The following PMP22 variants were observed in gnomAD, a reference collection of about 807,000 sequenced individuals.
PMP22 encodes the protein peripheral myelin protein 22, also known as Charcot-Marie-Tooth neuropathy 1A (greatly reduced nerve conduction velocity, hereditary motor sensory neuropathy Ia).
Under a neutral mutation model 18.9 loss-of-function variants are expected in PMP22, and 2 were observed. The observed-to-expected ratio is 0.11, with a 90% CI of 0.04 to 0.33. The LOEUF (loss-of-function observed/expected upper bound fraction) is 0.33. Ranked by LOEUF, PMP22 falls within the 10% of genes least tolerant of loss-of-function variation. The pLI, the probability that PMP22 is intolerant of heterozygous loss-of-function variation, is 1.00. For synonymous variants in PMP22, 95 were observed against 89.2 expected (o/e 1.07, Z -0.37); for missense variants, 169 against 202.2 (o/e 0.84, Z 1.00).
At chr17:15,234,311 G>A (rs1285358682) in intron 4 of PMP22, among the ~76,000 whole-genome samples, 1 of 152,188 alleles carries the variant, frequency 6.6e-6, no homozygotes, top group Non-Finnish European at 1.5e-5. Context: ...GTATTGAAAG[G>A]AGCAGAGTGA....
intron 2 of PMP22, 127 bp downstream of exon 2, chr17:15,260,523 T>C (rs1483350329): frequency 1.2e-6 from 1 of 830,648 alleles, no homozygotes; most frequent in East Asian, 2.7e-5. Flanking sequence ...TGCCAGAAAC[T>C]TCCCTGGGAC....
At position 15,239,418 on chromosome 17, in the gene PMP22, C is replaced by T. The variant is rs577609361; in HGVS notation, c.319+53G>A. ...CATCCTTCTACTAAACTAATCATTC[C>T]GCAGACTTGGATGCACCCCGCTTCC... On this transcript the variant is annotated intron_variant, in intron 4 of 4. Coordinates refer to ENST00000312280, the MANE Select transcript of PMP22 (RefSeq NM_000304.4). 3.8e-5 allele frequency: 61 copies of T among 1,598,266 alleles called. 2 individuals are homozygous for T. The highest frequency in any genetic ancestry group is 3.3e-4 in the Middle Eastern group (2 of 6,040).
intron 4 of PMP22, among the ~76,000 whole-genome samples, chr17:15,232,126 G>A (rs1358344660): frequency 6.6e-6 from 1 of 151,934 alleles, no homozygotes. Flanking sequence ...CAATGCACCC[G>A]CGCCCCCCCA....
intron 3 of PMP22, among the ~76,000 whole-genome samples, chr17:15,246,889 G>A (rs1907863627): frequency 6.6e-6 from 1 of 151,774 alleles, no homozygotes; most frequent in African/African-American, 2.4e-5. Context: ...GGCCAACATG[G>A]TGAAACCCCG....
chr17:15,264,267 GATAA>G (rs1909568323), intron 1 of PMP22, among the ~76,000 whole-genome samples: 1 of 152,076 alleles, frequency 6.6e-6, no homozygotes, highest in Non-Finnish European at 1.5e-5. Context: ...TAGATAGATA[GATAA>G]AGATTTATAA....
intron 1 of PMP22, among the ~76,000 whole-genome samples, chr17:15,264,242 A>G (rs561826966): frequency 3.2e-5 from 3 of 94,878 alleles, no homozygotes; most frequent in East Asian, 4.0e-4. Flanking sequence ...AGATAGATAG[A>G]TAGATAGATA....
intron 1 of PMP22, among the ~76,000 whole-genome samples, chr17:15,264,189 C>G (rs1909552400): frequency 6.6e-6 from 1 of 151,716 alleles, no homozygotes; most frequent in Admixed American, 6.6e-5. Flanking sequence ...CACCTCTGCA[C>G]TAAAGTAGCT....
chr17:15,257,198 C>A (rs1908910702), intron 3 of PMP22, among the ~76,000 whole-genome samples: 1 of 152,216 alleles, frequency 6.6e-6, no homozygotes, highest in South Asian at 2.1e-4. Flanking sequence ...ATTAAAATAA[C>A]CCTAGTGCCT....
intron 3 of PMP22, among the ~76,000 whole-genome samples, chr17:15,256,887 C>T (rs1266154427): frequency 2.0e-5 from 3 of 152,116 alleles, no homozygotes; most frequent in Non-Finnish European, 4.4e-5. Flanking sequence ...AGTGCTGCCA[C>T]GTTGGGGAAG....
intron 1 of PMP22, among the ~76,000 whole-genome samples, chr17:15,264,914 GGATGCATTAGGGTTTCTA>G (rs1909609468): frequency 6.6e-6 from 1 of 152,080 alleles, no homozygotes. Context: ...CTTTCAATCT[GGATGCATTAGGGTTTCTA>G]GATGCTCTCA....
At chr17:15,263,648 C>T (rs1909520246) in intron 1 of PMP22, among the ~76,000 whole-genome samples, 1 of 152,076 alleles carries the variant, frequency 6.6e-6, no homozygotes. Flanking sequence ...TCATCACTCT[C>T]AATGATTCAA....
At chr17:15,231,898 T>G (rs1338681325) in intron 4 of PMP22, among the ~76,000 whole-genome samples, 1 of 152,114 alleles carries the variant, frequency 6.6e-6, no homozygotes, top group East Asian at 1.9e-4. Flanking sequence ...GCCTCCATCT[T>G]GGGCCCTGTG....
intron 3 of PMP22, among the ~76,000 whole-genome samples, chr17:15,252,058 C>G (rs993727601): frequency 6.1e-4 from 93 of 152,186 alleles, no homozygotes; most frequent in African/African-American, 2.2e-3. Context: ...AAATCCAGAG[C>G]CATTCCTTGG....
chr17:15,259,334 C>G lies in PMP22; in HGVS notation c.79-141G>C, dbSNP rs953552574. 43 of 711,754 alleles carry G rather than the reference C, an allele frequency of 6.0e-5. No homozygotes were observed. In the Admixed American group the frequency reaches 8.5e-4, roughly 14 times the overall value. 44.1% of individuals were successfully genotyped at this position (711,754 alleles called of 1,614,324 possible). On this transcript the variant is annotated intron_variant, in intron 2 of 4. Coordinates refer to ENST00000312280, the MANE Select transcript of PMP22 (RefSeq NM_000304.4). ...CCCACCCCTGCATGGTAAGAGCCAA[C>G]GTTTTATGACTTAAAAGCACCTTGT...
chr17:15,235,927 T>C (rs1030214278), intron 4 of PMP22, among the ~76,000 whole-genome samples: 9 of 151,808 alleles, frequency 5.9e-5, no homozygotes, highest in African/African-American at 2.2e-4. Context: ...GCTATTTTTT[T>C]ATTTTTATTT....
chr17:15,249,656 C>T (rs1908148363), intron 3 of PMP22, among the ~76,000 whole-genome samples: 1 of 152,156 alleles, frequency 6.6e-6, no homozygotes, highest in Non-Finnish European at 1.5e-5. Context: ...AGAGGCCCTG[C>T]TTATGCAGCT....
intron 2 of PMP22, 92 bp from the exon 3 acceptor site, chr17:15,259,285 A>C (rs1597633357): frequency 9.4e-6 from 9 of 953,210 alleles, no homozygotes. Flanking sequence ...GGCGAAAAGC[A>C]CCCGCATCCA....
intron 1 of PMP22, 111 bp from the exon 2 acceptor site, chr17:15,260,872 C>T: frequency 1.3e-6 from 1 of 745,086 alleles, no homozygotes; most frequent in South Asian, 1.7e-5. Context: ...GCCCAGCGCC[C>T]GCAGCCCGAC....
chr17:15,259,938 C>CAAAAAAAA (rs61415317), intron 2 of PMP22, among the ~76,000 whole-genome samples: 1 of 97,872 alleles, frequency 1.0e-5, no homozygotes, highest in Non-Finnish European at 2.2e-5. Context: ...GACTCCATCT[C>CAAAAAAAA]AAAAAAAAAA....
Sources: allele counts gnomAD v4.1 joint callset (sites outside exome capture counted in the v4.1 genomes callset), GRCh38; gene constraint gnomAD v4.1.1; transcripts MANE v1.5; gene names NCBI Gene and HGNC (gene_info 2026-07-23, HGNC 2026-07-21).